The following STK32A variants were observed in gnomAD, a reference collection of about 807,000 sequenced individuals.
The protein encoded by STK32A is serine/threonine kinase 32A.
STK32A carries 41 observed loss-of-function variants against 53.2 expected under a neutral mutation model. That is an observed-to-expected ratio of 0.77 (90% confidence interval 0.60 to 1.00). The LOEUF (loss-of-function observed/expected upper bound fraction) is 1.00. Among genes scored for constraint, STK32A ranks in the 50% least tolerant of loss-of-function variants. STK32A has a pLI of 0.00. For missense variants in STK32A, 458 were observed against 485.8 expected, an observed-to-expected ratio of 0.94 and a Z score of 0.54; for synonymous variants, 166 against 162.8, an observed-to-expected ratio of 1.02 and a Z score of -0.15.
At chr5:147,392,204 C>T (rs1471933416), downstream of STK32A, 2 of 152,172 alleles carry the variant, frequency 1.3e-5, no homozygotes. Context: ...CTACATTTTC[C>T]CTTTTACTAC....
At chr5:147,265,712 T>C (rs1371699302) in intron 2 of STK32A, among the ~76,000 whole-genome samples, 1 of 152,022 alleles carries the variant, frequency 6.6e-6, no homozygotes, top group Non-Finnish European at 1.5e-5. Context: ...ACTCAATGAA[T>C]GTTTGTTGGT....
intron 2 of STK32A, among the ~76,000 whole-genome samples, chr5:147,241,117 A>G (rs1753552621): frequency 1.3e-5 from 2 of 152,182 alleles, no homozygotes; most frequent in Non-Finnish European, 1.5e-5. Flanking sequence ...ATGATTGGGG[A>G]CAACTACGTC....
chr5:147,349,179 G>A (rs1755835584), intron 6 of STK32A, among the ~76,000 whole-genome samples: 1 of 152,254 alleles, frequency 6.6e-6, no homozygotes, highest in African/African-American at 2.4e-5. Context: ...GCAAGAATGA[G>A]TGGCTACCTT....
chr5:147,242,594 T>G (rs4705135), intron 2 of STK32A, among the ~76,000 whole-genome samples: 62,284 of 151,862 alleles, frequency 0.41, 12,918 homozygotes, highest in Admixed American at 0.45. Flanking sequence ...GAAGAAGCCA[T>G]CTATGAAATG....
the STK32A span, chr5:147,399,226 C>A: frequency 6.2e-7 from 1 of 1,614,174 alleles, no homozygotes; most frequent in South Asian, 1.1e-5. Flanking sequence ...CAGCCACGAA[C>A]TGGTTTTCGT....
intron 7 of STK32A, among the ~76,000 whole-genome samples, chr5:147,359,362 AT>A (rs1258843240): frequency 3.9e-5 from 6 of 152,232 alleles, no homozygotes; most frequent in South Asian, 2.1e-4. Flanking sequence ...ATAAATGTGT[AT>A]TAAAATGTTT....
In STK32A at chr5:147,298,759, C is replaced by T. The variant is rs953844142; in HGVS notation, c.260+19361C>T. 2.0e-5 allele frequency among the ~76,000 whole-genome samples: 3 copies of T among 152,042 alleles called. No homozygotes were observed. In the East Asian group the frequency reaches 5.8e-4, roughly 29 times the overall value. On this transcript the variant is annotated intron_variant, in intron 4 of 12. Transcript: ENST00000397936. ...ACTCTAATGAATAAGACAAAGAAAACCTTAACTTCAGAGAAAAGTGAAAAT... is the reference window on the plus strand; with the variant it reads ...ACTCTAATGAATAAGACAAAGAAAATCTTAACTTCAGAGAAAAGTGAAAAT...
intron 6 of STK32A, among the ~76,000 whole-genome samples, chr5:147,346,176 C>A (rs1755676054): frequency 6.6e-6 from 1 of 152,200 alleles, no homozygotes. Flanking sequence ...TCAGCTGAAT[C>A]ACAAATCAAT....
chr5:147,247,941 G>C (rs58411748), intron 2 of STK32A, among the ~76,000 whole-genome samples: 4,128 of 152,046 alleles, frequency 0.027, 173 homozygotes, highest in African/African-American at 0.093. Flanking sequence ...GACCAACATG[G>C]AGAAACCCTG....
rs1219386415 is a variant in STK32A at position 147,371,602 on chromosome 5, A to AT, written c.777+838dup. On this transcript the variant is annotated intron_variant, in intron 9 of 12. Coordinates refer to ENST00000397936, the MANE Select transcript of STK32A (RefSeq NM_001112724.2). Reference sequence around the variant, plus strand: ...GTGGTTCACTGGTTCTAGTCCATGAATTTTTTCTGCAGGTCTATTGTAAGT... The same window carrying AT: ...GTGGTTCACTGGTTCTAGTCCATGAATTTTTTTCTGCAGGTCTATTGTAAGT... Among the ~76,000 whole-genome samples, 5 of 152,076 alleles carry AT rather than the reference A, an allele frequency of 3.3e-5. No individual in the cohort carries two copies. In the South Asian group the frequency reaches 8.3e-4, roughly 25 times the overall value.
At position 147,384,094 on chromosome 5, in the gene STK32A, T is replaced by A; in HGVS notation, c.*111T>A. ...ACTCCACACACCATGACTTAGAAAA[T>A]GTGAATGAATATATTTCAAAAAAGG... On this transcript the variant is annotated 3_prime_UTR_variant, in exon 13 of 13. Transcript: ENST00000397936. 1 of 1,497,080 alleles carries A rather than the reference T, an allele frequency of 6.7e-7. No individual in the cohort carries two copies. Among genetic ancestry groups the A allele is most frequent in the Non-Finnish European group, 8.8e-7 (1 of 1,133,984 alleles). The allele number at this position is 1,497,080 out of a possible 1,614,324, so 92.7% of individuals were successfully genotyped here. A position where few individuals can be genotyped will look rare whatever the true frequency, so the allele number is the denominator to read the frequency against.
intron 2 of STK32A, among the ~76,000 whole-genome samples, chr5:147,271,522 G>A (rs181197551): frequency 1.8e-4 from 27 of 152,248 alleles, no homozygotes; most frequent in Middle Eastern, 6.8e-3. Context: ...TCTGACCGCC[G>A]GTGAGCCGGG....
intron 6 of STK32A, among the ~76,000 whole-genome samples, chr5:147,348,215 GCAA>G (rs759470749): frequency 6.6e-6 from 1 of 152,102 alleles, no homozygotes; most frequent in Non-Finnish European, 1.5e-5. Context: ...GAAATTTTGT[GCAA>G]CAACATTTTG....
intron 5 of STK32A, among the ~76,000 whole-genome samples, chr5:147,338,817 T>C (rs1388256586): frequency 6.6e-6 from 1 of 152,172 alleles, no homozygotes; most frequent in Non-Finnish European, 1.5e-5. Context: ...ATTTAGGGTA[T>C]CTGGTGGAAG....
At chr5:147,238,815 GAT>G (rs995055676) in intron 1 of STK32A, among the ~76,000 whole-genome samples, 2 of 151,098 alleles carry the variant, frequency 1.3e-5, no homozygotes, top group African/African-American at 2.4e-5. Flanking sequence ...CAACAGAGTT[GAT>G]ATATATATAA....
rs540299880 is a variant in STK32A, at chr5:147,268,282, G to A, written c.53-9842G>A. On this transcript the variant is annotated intron_variant, in intron 2 of 12. Coordinates refer to ENST00000397936, the MANE Select transcript of STK32A (RefSeq NM_001112724.2). Reference sequence around the variant, plus strand: ...ATAAATTAAGAAAATCTGTAGGAAAGAATAGATCATCAAGTCCCTTGCAAC... The same window carrying A: ...ATAAATTAAGAAAATCTGTAGGAAAAAATAGATCATCAAGTCCCTTGCAAC... 9.9e-5 allele frequency among the ~76,000 whole-genome samples: 15 copies of A among 152,272 alleles called. No homozygotes were observed. In the South Asian group the frequency reaches 2.9e-3, roughly 29 times the overall value.
intron 6 of STK32A, among the ~76,000 whole-genome samples, chr5:147,347,592 A>C (rs1036313906): frequency 3.3e-5 from 5 of 152,182 alleles, no homozygotes; most frequent in African/African-American, 1.2e-4. Flanking sequence ...TTCGCACTAC[A>C]AAAAATTATC....
intron 4 of STK32A, among the ~76,000 whole-genome samples, chr5:147,281,954 T>C (rs72823839): frequency 0.059 from 8,970 of 152,248 alleles, 327 homozygotes; most frequent in Middle Eastern, 0.11. Context: ...GCCCTATCTC[T>C]GGCCTCCTCA....
At chr5:147,379,992 A>G (rs1247010930) in intron 11 of STK32A, among the ~76,000 whole-genome samples, 1 of 152,166 alleles carries the variant, frequency 6.6e-6, no homozygotes, top group Non-Finnish European at 1.5e-5. Context: ...CACCTAAAGC[A>G]GAGGAAAAAG....
Sources: allele counts gnomAD v4.1 joint callset (sites outside exome capture counted in the v4.1 genomes callset), GRCh38; gene constraint gnomAD v4.1.1; transcripts MANE v1.5; gene names NCBI Gene and HGNC (gene_info 2026-07-23, HGNC 2026-07-21).